Variants in PHIP observed in about 807,000 individuals in gnomAD.
The protein encoded by PHIP is PH-interacting protein.
PHIP carries 54 observed loss-of-function variants against 236.8 expected under a neutral mutation model. That is an observed-to-expected ratio of 0.23 (90% CI 0.18 to 0.29). The LOEUF (loss-of-function observed/expected upper bound fraction) is 0.29. PHIP is among the 10% of genes least tolerant of loss of function. The pLI, the probability that PHIP is intolerant of heterozygous loss-of-function variation, is 1.00. For missense variants in PHIP, 1,370 were observed against 2,190.8 expected, an observed-to-expected ratio of 0.63 and a Z score of 7.48; for synonymous variants, 756 against 718.9, an observed-to-expected ratio of 1.05 and a Z score of -0.83.
At chr6:78,966,655 C>T (rs1562131835) in intron 27 of PHIP, among the ~76,000 whole-genome samples, 1 of 152,202 alleles carries the variant, frequency 6.6e-6, no homozygotes, top group Non-Finnish European at 1.5e-5. Flanking sequence ...ATTTCCTTAT[C>T]CAATTGCTGT....
At chr6:79,076,335 A>G (rs1230851497) in intron 4 of PHIP, among the ~76,000 whole-genome samples, 1 of 152,236 alleles carries the variant, frequency 6.6e-6, no homozygotes, top group Non-Finnish European at 1.5e-5. Context: ...TAGTAATCAT[A>G]ACTATCTCAA....
intron 35 of PHIP, among the ~76,000 whole-genome samples, chr6:78,949,279 G>A (rs1582088946): frequency 6.6e-6 from 1 of 151,936 alleles, no homozygotes; most frequent in African/African-American, 2.4e-5. Flanking sequence ...GTACCTGGGG[G>A]GCCTTACAGA....
rs951975908 is a variant in PHIP, at chr6:79,003,050, T to C, written c.1653+680A>G. Among the ~76,000 whole-genome samples the C allele has an allele frequency of 2.6e-5, 4 of 152,254 alleles. No homozygotes were observed. The East Asian group carries it at 7.7e-4, about 29-fold the overall frequency. Reference sequence around the variant, plus strand: ...TTTACTATCATAACCTTTTATACCATTCCACCACAAGTAAGCAATTTAATT... The same window carrying C: ...TTTACTATCATAACCTTTTATACCACTCCACCACAAGTAAGCAATTTAATT... On this transcript the variant is annotated intron_variant, in intron 16 of 39. Coordinates refer to ENST00000275034, the MANE Select transcript of PHIP (RefSeq NM_017934.7).
chr6:78,949,396 CT>C (rs1181328212), intron 35 of PHIP, among the ~76,000 whole-genome samples: 2 of 152,130 alleles, frequency 1.3e-5, no homozygotes, highest in Non-Finnish European at 2.9e-5. Context: ...CCACAATCAG[CT>C]CCTTTTCTCA....
chr6:79,036,921 CAAAAA>C (rs34875528), intron 7 of PHIP, among the ~76,000 whole-genome samples: 3 of 38,948 alleles, frequency 7.7e-5, no homozygotes, highest in African/African-American at 9.8e-5. Context: ...GACTCCGTCT[CAAAAA>C]AAAAAAAAAA....
chr6:78,934,950 G>T lies in PHIP; in HGVS notation c.*5743C>A, dbSNP rs1239185486. Among the ~76,000 whole-genome samples, 1 of 152,142 alleles carries T rather than the reference G, an allele frequency of 6.6e-6. No homozygotes were observed. Among genetic ancestry groups the T allele is most frequent in the East Asian group, 1.9e-4 (1 of 5,192 alleles). On this transcript the variant is annotated 3_prime_UTR_variant, in exon 40 of 40. Coordinates refer to ENST00000275034, the MANE Select transcript of PHIP (RefSeq NM_017934.7). ...TTTCCCAAAGACTAATCAGTAAGTG[G>T]TAAATGTGTTAAATTTACCACACAT...
chr6:78,951,535 GAA>G, intron 35 of PHIP, among the ~76,000 whole-genome samples: 1 of 152,202 alleles, frequency 6.6e-6, no homozygotes, highest in South Asian at 2.1e-4. Context: ...TAGATTATCC[GAA>G]GTTTTCTTTT....
intron 35 of PHIP, among the ~76,000 whole-genome samples, chr6:78,948,535 C>G (rs565889209): frequency 6.6e-6 from 1 of 152,160 alleles, no homozygotes; most frequent in South Asian, 2.1e-4. Flanking sequence ...TTGCTGCTGC[C>G]CAGGTTAGAG....
At chr6:79,060,382 G>A (rs1301828703) in intron 6 of PHIP, 96 bp downstream of exon 6, 19 of 721,236 alleles carry the variant, frequency 2.6e-5, no homozygotes, top group Non-Finnish European at 2.3e-5. Context: ...TACATAATAT[G>A]AAGTTCTCTA....
chr6:78,981,773 A>G (rs1256186862), intron 23 of PHIP, among the ~76,000 whole-genome samples: 1 of 152,016 alleles, frequency 6.6e-6, no homozygotes, highest in African/African-American at 2.4e-5. Context: ...CAATCTGTCT[A>G]CTACATACAT....
intron 24 of PHIP, among the ~76,000 whole-genome samples, chr6:78,976,541 A>C (rs1298494883): frequency 2.6e-5 from 3 of 117,074 alleles, no homozygotes; most frequent in Non-Finnish European, 3.6e-5. Context: ...TAATTAAACT[A>C]AAGAGCTTCT....
In PHIP at chr6:78,985,398, T is replaced by C. The variant is rs765827272; in HGVS notation, c.2491A>G (p.Thr831Ala). 1.9e-6 allele frequency: 3 copies of C among 1,600,290 alleles called. No homozygotes were observed. The highest frequency in any genetic ancestry group is 1.3e-5 in the African/African-American group (1 of 74,650). Residue 831 changes from threonine (T) to alanine (A), a missense_variant, in exon 22 of 40, where the codon ACA (threonine) becomes GCA (alanine). Coordinates refer to ENST00000275034, the MANE Select transcript of PHIP (RefSeq NM_017934.7). Reference sequence around the variant, plus strand: ...CATGCTCTCTCTTCTTCTTCGGATGTTCCACCACTGACAGCAACTACTTCG... The same window carrying C: ...CATGCTCTCTCTTCTTCTTCGGATGCTCCACCACTGACAGCAACTACTTCG... Reference protein sequence around the residue: ...EGEVVAVSGGTSEEEERAWHS... With the variant: ...EGEVVAVSGGASEEEERAWHS...
At chr6:79,047,118 G>C (rs1413485040) in intron 6 of PHIP, among the ~76,000 whole-genome samples, 1 of 152,004 alleles carries the variant, frequency 6.6e-6, no homozygotes, top group Non-Finnish European at 1.5e-5. Flanking sequence ...TAAAAAAGGA[G>C]CAAAATACTG....
rs527567977 is a variant in PHIP at position 78,938,820 on chromosome 6, T to C, written c.*1873A>G. The C allele has an allele frequency of 1.7e-4, 26 of 151,840 alleles. No homozygotes were observed. Among genetic ancestry groups the C allele is most frequent in the African/African-American group, 6.0e-4 (25 of 41,556 alleles). 9.4% of individuals were successfully genotyped at this position (151,840 alleles called of 1,614,324 possible). A position where few individuals can be genotyped will look rare whatever the true frequency, so the allele number is the denominator to read the frequency against. On this transcript the variant is annotated 3_prime_UTR_variant, in exon 40 of 40. Transcript: ENST00000275034. Reference sequence around the variant, plus strand: ...TCACAGGAGAATTTCTGTACAAATTTAGTTACAAATGATCTAAAAAGCCCA... The same window carrying C: ...TCACAGGAGAATTTCTGTACAAATTCAGTTACAAATGATCTAAAAAGCCCA...
chr6:78,986,161 T>TA (rs1768856603), intron 21 of PHIP, among the ~76,000 whole-genome samples: 1 of 152,228 alleles, frequency 6.6e-6, no homozygotes, highest in Non-Finnish European at 1.5e-5. Context: ...TTTTACTTAT[T>TA]AAAACAGCTG....
At chr6:79,034,764 T>C (rs1030449587) in intron 7 of PHIP, among the ~76,000 whole-genome samples, 1 of 152,174 alleles carries the variant, frequency 6.6e-6, no homozygotes, top group African/African-American at 2.4e-5. Context: ...GAGAGGACAA[T>C]TCTGTTCAGT....
intron 4 of PHIP, 131 bp from the exon 5 acceptor site, chr6:79,060,949 C>A: frequency 3.6e-6 from 2 of 558,544 alleles, no homozygotes; most frequent in South Asian, 3.0e-5. Flanking sequence ...AAGTAAATCT[C>A]CAGAATAATT....
At chr6:78,959,451 A>G (rs1354075412) in intron 31 of PHIP, among the ~76,000 whole-genome samples, 1 of 152,160 alleles carries the variant, frequency 6.6e-6, no homozygotes, top group Non-Finnish European at 1.5e-5. Context: ...TGTGTAAAAT[A>G]AAGTATTAGA....
At chr6:78,947,816 A>G (rs1297886897) in intron 35 of PHIP, 41 bp from the exon 36 acceptor site, 3 of 1,402,590 alleles carry the variant, frequency 2.1e-6, no homozygotes, top group Non-Finnish European at 2.0e-6. Flanking sequence ...TTATTACTAC[A>G]CAAAGCATCA....
Sources: allele counts gnomAD v4.1 joint callset (sites outside exome capture counted in the v4.1 genomes callset), GRCh38; gene constraint gnomAD v4.1.1; transcripts MANE v1.5; gene names NCBI Gene and HGNC (gene_info 2026-07-23, HGNC 2026-07-21).